The following OR6B1 variants were observed in gnomAD, a reference collection of about 807,000 sequenced individuals.
OR6B1 encodes the protein olfactory receptor 6B1.
OR6B1 carries 15 observed loss-of-function variants against 15.4 expected under a neutral mutation model. The ratio of observed to expected loss-of-function variants is 0.97; its 90% confidence interval spans 0.65 to 1.50. OR6B1 has a LOEUF of 1.50. Among genes scored for constraint, OR6B1 ranks in the 40% most tolerant of loss-of-function variants. The pLI is 0.00. For missense variants in OR6B1, 384 were observed against 385.0 expected (o/e 1.00, Z 0.02); for synonymous variants, 139 against 144.9 (o/e 0.96, Z 0.29).
Position 144,004,097 on chromosome 7 carries a change from C to T in OR6B1, c.101C>T (p.Ala34Val), listed in dbSNP as rs774472648. ...RAAMFLIFLVAYILTVAENVI... is the reference protein window; with the variant it reads ...RAAMFLIFLVVYILTVAENVI... ...GCCATGTTTCTGATATTCCTTGTGG[C>T]CTATATTCTGACAGTGGCTGAAAAC... The change falls in exon 2 of 2, where the codon GCC (alanine) becomes GTC (valine). Residue 34 changes from alanine (A) to valine (V), a missense_variant. Transcript: ENST00000641698. The T allele has an allele frequency of 3.1e-6, 5 of 1,614,036 alleles. No homozygotes were observed. The highest frequency in any genetic ancestry group is 1.7e-5 in the Admixed American group (1 of 59,984).
chr7:144,002,329 AATT>A (rs1372825653), intron 1 of OR6B1, among the ~76,000 whole-genome samples: 1 of 152,216 alleles, frequency 6.6e-6, no homozygotes, highest in Non-Finnish European at 1.5e-5. Flanking sequence ...ATACTCAATA[AATT>A]ATTATTAGAA....
In OR6B1 at chr7:144,005,624, C is replaced by A. The variant is rs1438852918; in HGVS notation, c.*692C>A. On this transcript the variant is annotated 3_prime_UTR_variant, in exon 2 of 2. Transcript: ENST00000641698. ...CATAAAATAGATGATAAATAAATAT[C>A]ATCAAATATATGAATTGCCAAACAA... The A allele has an allele frequency of 6.6e-6, 1 of 152,080 alleles. No homozygotes were observed. Among genetic ancestry groups the A allele is most frequent in the East Asian group, 1.9e-4 (1 of 5,198 alleles). 9.4% of individuals were successfully genotyped at this position (152,080 alleles called of 1,614,324 possible).
At position 144,008,715 on chromosome 7, in the gene OR6B1, C is replaced by G. The variant is rs950489522; in HGVS notation, c.*3783C>G. 6.6e-5 allele frequency: 10 copies of G among 152,570 alleles called. No individual in the cohort carries two copies. The highest frequency in any genetic ancestry group is 2.4e-4 in the African/African-American group (10 of 41,416). 9.5% of individuals were successfully genotyped at this position (152,570 alleles called of 1,614,324 possible). ...TAGATGTGCCTTCCTTCCCCTTCGC[C>G]TCCTGCCATGATTGTAAGTTTCCTG... On this transcript the variant is annotated 3_prime_UTR_variant, in exon 2 of 2. Coordinates refer to ENST00000641698, the MANE Select transcript of OR6B1 (RefSeq NM_001005281.3).
At chr7:144,001,526 C>T (rs762094781) in intron 1 of OR6B1, among the ~76,000 whole-genome samples, 51 of 152,178 alleles carry the variant, frequency 3.4e-4, no homozygotes, top group Non-Finnish European at 7.2e-4. Flanking sequence ...TCTGGTTTGG[C>T]AACCTTGTCC....
rs2050620773 is a variant in OR6B1 at position 144,005,852 on chromosome 7, A to G, written c.*920A>G. ...GATTCTCAACTTTCCTTACCTATATATCTAACACCCTCTACACACACGCTA... is the reference window on the plus strand; with the variant it reads ...GATTCTCAACTTTCCTTACCTATATGTCTAACACCCTCTACACACACGCTA... On this transcript the variant is annotated 3_prime_UTR_variant, in exon 2 of 2. Coordinates refer to ENST00000641698, the MANE Select transcript of OR6B1 (RefSeq NM_001005281.3). 2 of 152,120 alleles carry G rather than the reference A, an allele frequency of 1.3e-5. No homozygotes were observed. Among genetic ancestry groups the G allele is most frequent in the African/African-American group, 4.8e-5 (2 of 41,416 alleles). 9.4% of individuals were successfully genotyped at this position (152,120 alleles called of 1,614,324 possible).
intron 1 of OR6B1, among the ~76,000 whole-genome samples, chr7:144,002,536 C>A (rs555992590): frequency 6.6e-6 from 1 of 152,306 alleles, no homozygotes; most frequent in East Asian, 1.9e-4. Context: ...CTGCTTCTAA[C>A]GTGTATCTTA....
rs574351581 is a variant in OR6B1, at chr7:144,001,816, C to T, written c.-26+1166C>T. Among the ~76,000 whole-genome samples, 17 of 152,318 alleles carry T rather than the reference C, an allele frequency of 1.1e-4. 1 individual carries two copies. The South Asian group carries it at 3.5e-3, about 32-fold the overall frequency. ...TTTCAGATCTCCGTGCCTTTGTTCA[C>T]TCTGATTCATCTGCCAAAAATGCCT... On this transcript the variant is annotated intron_variant, in intron 1 of 1. Transcript: ENST00000641698.
chr7:144,003,490 ACT>A (rs1422178963), intron 1 of OR6B1, among the ~76,000 whole-genome samples: 2 of 152,078 alleles, frequency 1.3e-5, no homozygotes, highest in South Asian at 2.1e-4. Flanking sequence ...GATGACAGCT[ACT>A]CTCTATCTCC....
At position 144,005,993 on chromosome 7, in the gene OR6B1, T is replaced by C. The variant is rs1049477241; in HGVS notation, c.*1061T>C. 1.3e-5 allele frequency: 2 copies of C among 152,244 alleles called. No individual in the cohort carries two copies. Among genetic ancestry groups the C allele is most frequent in the African/African-American group, 4.8e-5 (2 of 41,466 alleles). The allele number at this position is 152,244 out of a possible 1,614,324, so 9.4% of individuals were successfully genotyped here. On this transcript the variant is annotated 3_prime_UTR_variant, in exon 2 of 2. Transcript: ENST00000641698. ...ATATATTTTTAAGCTGTATTCAACA[T>C]AGTGGGCCAACATCAGTGGGAATTT...
At position 144,000,377 on chromosome 7, in the gene OR6B1, T is replaced by C. The variant is rs1352453162; in HGVS notation, c.-299T>C. ...ACTGCCATGTTCACCAGGAAGGTGA[T>C]GGGCACCCTAGTCCCAGGGTGCTGG... On this transcript the variant is annotated 5_prime_UTR_variant, in exon 1 of 2. It removes an upstream start codon present in the reference 5' UTR. Coordinates refer to ENST00000641698, the MANE Select transcript of OR6B1 (RefSeq NM_001005281.3). 6.6e-6 allele frequency: 1 copy of C among 152,592 alleles called. No individual in the cohort carries two copies. The highest frequency in any genetic ancestry group is 2.4e-5 in the African/African-American group (1 of 41,424). 9.5% of individuals were successfully genotyped at this position (152,592 alleles called of 1,614,324 possible).
rs1229862120 is a variant in OR6B1, at chr7:144,006,986, G to A, written c.*2054G>A. 1 of 152,184 alleles carries A rather than the reference G, an allele frequency of 6.6e-6. No homozygotes were observed. The highest frequency in any genetic ancestry group is 1.9e-4 in the East Asian group (1 of 5,198). The allele number at this position is 152,184 out of a possible 1,614,324, so 9.4% of individuals were successfully genotyped here. A position where few individuals can be genotyped will look rare whatever the true frequency, so the allele number is the denominator to read the frequency against. On this transcript the variant is annotated 3_prime_UTR_variant, in exon 2 of 2. Transcript: ENST00000641698. ...TAGGGTTTGCATGGGAAAACTGTTT[G>A]GGAAGGCTATGCTCTCTGGACCTGT...
At chr7:144,001,802 C>T (rs926065221) in intron 1 of OR6B1, among the ~76,000 whole-genome samples, 3 of 152,164 alleles carry the variant, frequency 2.0e-5, no homozygotes, top group African/African-American at 4.8e-5. Context: ...TTCAGATCTC[C>T]GTGCCTTTGT....
chr7:144,004,521 C>T lies in OR6B1; in HGVS notation c.525C>T (p.Asn175=), dbSNP rs2050609706. Residue 175 remains asparagine (N), a synonymous_variant, in exon 2 of 2, where the codon AAC becomes AAT. Transcript: ENST00000641698. ...GCTTCTGTGGTCCCAATGTCATCAA[C>T]CACTTCTTCTGTGACATCTCTCCAG... ...CLSFCGPNVI[N]HFFCDISPVL... The T allele has an allele frequency of 6.2e-7, 1 of 1,614,186 alleles. No individual in the cohort carries two copies. Among genetic ancestry groups the T allele is most frequent in the Non-Finnish European group, 8.5e-7 (1 of 1,180,036 alleles).
Position 144,004,817 on chromosome 7 carries a change from T to A in OR6B1, c.821T>A (p.Ile274Asn), listed in dbSNP as rs1285618567. The A allele has an allele frequency of 1.9e-6, 3 of 1,613,904 alleles. No individual in the cohort carries two copies. The highest frequency in any genetic ancestry group is 1.7e-6 in the Non-Finnish European group (2 of 1,179,970). ...HAFNMNKIIS[I>N]FYAIVTPSLN... ...TTCAACATGAACAAAATTATTTCCA[T>A]CTTCTATGCCATTGTCACTCCTTCT... The change falls in exon 2 of 2, where the codon ATC becomes AAC. Residue 274 changes from isoleucine (I) to asparagine (N), a missense_variant. Ile to Asn is a moderately radical substitution (Grantham distance 149). Coordinates refer to ENST00000641698, the MANE Select transcript of OR6B1 (RefSeq NM_001005281.3).
chr7:144,000,901 T>C (rs2050581495), intron 1 of OR6B1, among the ~76,000 whole-genome samples: 1 of 152,174 alleles, frequency 6.6e-6, no homozygotes, highest in Admixed American at 6.5e-5. Context: ...GATCAAAAAT[T>C]AGTGCCCCAG....
At position 144,006,197 on chromosome 7, in the gene OR6B1, A is replaced by G. The variant is rs964627457; in HGVS notation, c.*1265A>G. ...GAACAGATGTTCAAGGAAGTAAATA[A>G]CATACAACCACAGACAGTGGGAGAG... On this transcript the variant is annotated 3_prime_UTR_variant, in exon 2 of 2. Coordinates refer to ENST00000641698, the MANE Select transcript of OR6B1 (RefSeq NM_001005281.3). The G allele has an allele frequency of 6.6e-6, 1 of 152,210 alleles. No individual in the cohort carries two copies. The highest frequency in any genetic ancestry group is 1.5e-5 in the Non-Finnish European group (1 of 68,026). 9.4% of individuals were successfully genotyped at this position (152,210 alleles called of 1,614,324 possible).
In OR6B1 at chr7:144,008,711, T is replaced by A. The variant is rs1237635620; in HGVS notation, c.*3779T>A. ...ATGTTAGATGTGCCTTCCTTCCCCTTCGCCTCCTGCCATGATTGTAAGTTT... is the reference window on the plus strand; with the variant it reads ...ATGTTAGATGTGCCTTCCTTCCCCTACGCCTCCTGCCATGATTGTAAGTTT... On this transcript the variant is annotated 3_prime_UTR_variant, in exon 2 of 2. Coordinates refer to ENST00000641698, the MANE Select transcript of OR6B1 (RefSeq NM_001005281.3). The A allele has an allele frequency of 6.6e-6, 1 of 152,556 alleles. No individual in the cohort carries two copies. 9.5% of individuals were successfully genotyped at this position (152,556 alleles called of 1,614,324 possible).
At position 144,004,743 on chromosome 7, in the gene OR6B1, C is replaced by A; in HGVS notation, c.747C>A (p.Phe249Leu). ...CASHLVVVTI[F>L]YSAIIFMYAR... The stretch of plus-strand genomic sequence containing the variant: ...CCCATCTTGTGGTGGTCACCATTTT[C>A]TATTCAGCCATTATTTTCATGTATG... The change falls in exon 2 of 2, where the codon TTC (phenylalanine) becomes TTA (leucine). Residue 249 changes from phenylalanine (F) to leucine (L), a missense_variant. Phe to Leu is a conservative substitution (Grantham distance 22). Transcript: ENST00000641698. 2 of 1,614,206 alleles carry A rather than the reference C, an allele frequency of 1.2e-6. No individual in the cohort carries two copies. Among genetic ancestry groups the A allele is most frequent in the Non-Finnish European group, 1.7e-6 (2 of 1,180,026 alleles).
At position 144,004,650 on chromosome 7, in the gene OR6B1, C is replaced by A. The variant is rs779262420; in HGVS notation, c.654C>A (p.Tyr218Ter). ...CACTCTTTATTACTGTCCTGTCCTA[C>A]GGATGCATTCTGGCCACCATATTAT... ...LFPLFITVLS[Y>*]GCILATILCM... Residue 218 changes from tyrosine (Y) to a stop codon, truncating the protein, a stop_gained, in exon 2 of 2, where the codon TAC becomes TAA. Transcript: ENST00000641698. LOFTEE classifies it high-confidence loss of function. 4 of 1,614,190 alleles carry A rather than the reference C, an allele frequency of 2.5e-6. No homozygotes were observed. Among genetic ancestry groups the A allele is most frequent in the Non-Finnish European group, 3.4e-6 (4 of 1,180,032 alleles).
Sources: allele counts gnomAD v4.1 joint callset (sites outside exome capture counted in the v4.1 genomes callset), GRCh38; gene constraint gnomAD v4.1.1; transcripts MANE v1.5; gene names NCBI Gene and HGNC (gene_info 2026-07-23, HGNC 2026-07-21).